Variants in PTPRN2 observed in about 807,000 individuals in gnomAD.
PTPRN2 encodes protein tyrosine phosphatase receptor type N2.
A neutral mutation model predicts 118.8 loss-of-function variants in PTPRN2; 74 were observed. The observed-to-expected ratio is 0.62, with a 90% CI of 0.52 to 0.76. The LOEUF (loss-of-function observed/expected upper bound fraction) is 0.76. PTPRN2 is among the 30% of genes least tolerant of loss of function. The pLI, the probability that PTPRN2 is intolerant of heterozygous loss-of-function variation, is 0.00. For synonymous variants in PTPRN2, 641 were observed against 608.0 expected (o/e 1.05, Z -0.80); for missense variants, 1,481 against 1,394.4 (o/e 1.06, Z -0.99).
chr7:158,296,151 C>T (rs1055978901), intron 3 of PTPRN2, among the ~76,000 whole-genome samples: 1 of 152,126 alleles, frequency 6.6e-6, no homozygotes, highest in Non-Finnish European at 1.5e-5. Context: ...CACCCTGGTC[C>T]ACCATGCCTC....
chr7:158,460,577 G>A (rs549667697), intron 2 of PTPRN2, among the ~76,000 whole-genome samples: 2 of 151,892 alleles, frequency 1.3e-5, no homozygotes, highest in East Asian at 1.9e-4. Flanking sequence ...TCCAGGATGG[G>A]ACTCTATCTA....
At chr7:158,249,415 G>A (rs1356264586) in intron 3 of PTPRN2, among the ~76,000 whole-genome samples, 5 of 143,372 alleles carry the variant, frequency 3.5e-5, no homozygotes, top group Non-Finnish European at 4.5e-5. Flanking sequence ...CACACACCCT[G>A]CATGCACACG....
chr7:157,827,255 A>G (rs891314165), intron 12 of PTPRN2, among the ~76,000 whole-genome samples: 5 of 152,172 alleles, frequency 3.3e-5, no homozygotes, highest in African/African-American at 1.2e-4. Context: ...GCTTTTCGAC[A>G]ACACCCTGCA....
chr7:158,154,301 A>T (rs1821496641), intron 6 of PTPRN2, among the ~76,000 whole-genome samples: 1 of 152,210 alleles, frequency 6.6e-6, no homozygotes, highest in East Asian at 1.9e-4. Context: ...TTCCAGCCTC[A>T]TGAGCCCTCT....
At chr7:158,110,403 C>T (rs755894997) in intron 10 of PTPRN2, among the ~76,000 whole-genome samples, 78 of 152,300 alleles carry the variant, frequency 5.1e-4, no homozygotes, top group Non-Finnish European at 1.0e-3. Flanking sequence ...TGCAGAGACT[C>T]GGGATCCAAA....
chr7:158,289,250 T>C (rs1001348112), intron 3 of PTPRN2, among the ~76,000 whole-genome samples: 2 of 152,222 alleles, frequency 1.3e-5, no homozygotes, highest in Non-Finnish European at 2.9e-5. Context: ...ATTATTTAAA[T>C]ATGCTTTCAG....
intron 11 of PTPRN2, among the ~76,000 whole-genome samples, chr7:157,994,335 C>T (rs554536167): frequency 6.6e-6 from 1 of 152,154 alleles, no homozygotes; most frequent in Non-Finnish European, 1.5e-5. Flanking sequence ...TTAAAGCTGA[C>T]AGAAAATAAC....
Position 157,629,386 on chromosome 7 carries a change from T to C in PTPRN2, c.2197-7877A>G, listed in dbSNP as rs776770982. ...AATGAAGAAGTGAGATACTGAGAGG[T>C]GCAAGATGATTTATTATTATTATTA... On this transcript the variant is annotated intron_variant, in intron 14 of 22. Transcript: ENST00000389418. The surrounding 1 kb of genome is among the most constrained non-coding windows in gnomAD (Gnocchi z 4.4). Among the ~76,000 whole-genome samples, 1 of 152,058 alleles carries C rather than the reference T, an allele frequency of 6.6e-6. No individual in the cohort carries two copies. Among genetic ancestry groups the C allele is most frequent in the Non-Finnish European group, 1.5e-5 (1 of 68,030 alleles).
intron 1 of PTPRN2, among the ~76,000 whole-genome samples, chr7:158,511,714 C>T (rs567312371): frequency 2.0e-5 from 3 of 152,346 alleles, no homozygotes; most frequent in East Asian, 1.9e-4. Context: ...GTGCAAGACA[C>T]GGTGGGAGGC....
chr7:158,327,216 C>T (rs1247783854), intron 2 of PTPRN2, among the ~76,000 whole-genome samples: 1 of 152,094 alleles, frequency 6.6e-6, no homozygotes, highest in African/African-American at 2.4e-5. Context: ...TTCTCAAACA[C>T]ACACGTAAAC....
intron 11 of PTPRN2, among the ~76,000 whole-genome samples, chr7:158,070,500 C>T (rs1186235176): frequency 1.9e-3 from 126 of 66,074 alleles, no homozygotes; most frequent in African/African-American, 6.6e-3. Context: ...GTGGAGGTGC[C>T]CGTGGTGGTG....
At chr7:158,161,780 G>C (rs1273475255) in intron 6 of PTPRN2, among the ~76,000 whole-genome samples, 3 of 142,294 alleles carry the variant, frequency 2.1e-5, no homozygotes, top group Non-Finnish European at 1.5e-5. Flanking sequence ...ACGCTGTCAA[G>C]AGAATGAAAA....
intron 2 of PTPRN2, among the ~76,000 whole-genome samples, chr7:158,463,373 CTCA>C (rs1463608506): frequency 1.3e-5 from 2 of 151,884 alleles, no homozygotes; most frequent in Non-Finnish European, 2.9e-5. Context: ...CCATCAGCAT[CTCA>C]TCATCATTAT....
chr7:158,470,035 G>A (rs1262590954), intron 2 of PTPRN2, among the ~76,000 whole-genome samples: 1 of 151,978 alleles, frequency 6.6e-6, no homozygotes, highest in Non-Finnish European at 1.5e-5. Flanking sequence ...ATTTGTCCTA[G>A]TGCCTCATAA....
At chr7:158,326,186 G>A (rs1042699815) in intron 2 of PTPRN2, among the ~76,000 whole-genome samples, 8 of 152,194 alleles carry the variant, frequency 5.3e-5, no homozygotes, top group African/African-American at 1.7e-4. Context: ...TCTTCAAGCT[G>A]GTCTGTCACT....
At chr7:158,079,069 C>G (rs1313710685) in intron 11 of PTPRN2, among the ~76,000 whole-genome samples, 2 of 152,086 alleles carry the variant, frequency 1.3e-5, no homozygotes, top group South Asian at 4.2e-4. Context: ...TCTTGAACTC[C>G]CAACCTCAAG....
At chr7:157,967,618 T>C (rs907918936) in intron 11 of PTPRN2, among the ~76,000 whole-genome samples, 1 of 152,154 alleles carries the variant, frequency 6.6e-6, no homozygotes, top group African/African-American at 2.4e-5. Context: ...AAATACTCCA[T>C]GACATGGGGA....
chr7:158,102,329 T>C (rs532202377), intron 10 of PTPRN2, among the ~76,000 whole-genome samples: 1 of 152,306 alleles, frequency 6.6e-6, no homozygotes, highest in East Asian at 1.9e-4. Context: ...CCGAGGATGC[T>C]TTATTCCAAA....
At chr7:158,379,330 G>A (rs1176729879) in intron 2 of PTPRN2, among the ~76,000 whole-genome samples, 1 of 152,136 alleles carries the variant, frequency 6.6e-6, no homozygotes, top group Non-Finnish European at 1.5e-5. Flanking sequence ...TGGCAGCCAA[G>A]ACCCACCTTC....
Sources: gnomAD v4.1 joint callset for allele counts (sites outside exome capture counted in the v4.1 genomes callset) on GRCh38, gnomAD v4.1.1 for gene constraint, Gnocchi (gnomAD v3.1) non-coding constraint, MANE v1.5 for transcripts, NCBI Gene and HGNC (gene_info 2026-07-23, HGNC 2026-07-21) for gene names.